The following RFX7 variants were observed in gnomAD, a reference collection of about 807,000 sequenced individuals.
RFX7 encodes regulatory factor X7.
A neutral mutation model predicts 111.8 loss-of-function variants in RFX7; 26 were observed. The ratio of observed to expected loss-of-function variants is 0.23; its 90% CI spans 0.17 to 0.32. The LOEUF (loss-of-function observed/expected upper bound fraction) is 0.32, where lower values mean the gene tolerates loss of function less well. Among genes scored for constraint, RFX7 ranks in the 10% least tolerant of loss-of-function variants. The pLI is 1.00. For synonymous variants in RFX7, 624 were observed against 624.4 expected (o/e 1.00, Z 0.01); for missense variants, 1,573 against 1,772.9 (o/e 0.89, Z 2.02).
At chr15:56,198,592 G>C (rs1431252892) in intron 2 of RFX7, among the ~76,000 whole-genome samples, 1 of 152,006 alleles carries the variant, frequency 6.6e-6, no homozygotes, top group African/African-American at 2.4e-5. Context: ...ATAGGACAAA[G>C]GATCCAATTT....
chr15:56,107,986 C>A (rs1480444861), intron 5 of RFX7, among the ~76,000 whole-genome samples: 1 of 152,126 alleles, frequency 6.6e-6, no homozygotes, highest in East Asian at 1.9e-4. Context: ...GACACATACA[C>A]CCTCCCAAGA....
rs370133072 is a variant in RFX7, at chr15:56,094,439, G to T, written c.3289C>A (p.Pro1097Thr). Reference protein sequence around the residue: ...QELVEDRFRKPHAFAVPGQSY... With the variant: ...QELVEDRFRKTHAFAVPGQSY... Reference sequence around the variant, plus strand: ...TGTCCAGGCACAGCAAAAGCATGAGGTTTCCTGAAACGGTCTTCCACTAGT... The same window carrying T: ...TGTCCAGGCACAGCAAAAGCATGAGTTTTCCTGAAACGGTCTTCCACTAGT... The change falls in exon 10 of 10, where the codon CCT becomes ACT. Residue 1097 changes from proline to threonine, a missense_variant. By Grantham distance (38) the Pro-to-Thr change is conservative. Transcript: ENST00000559447. 1.7e-5 allele frequency: 28 copies of T among 1,613,814 alleles called. No homozygotes were observed. Among genetic ancestry groups the T allele is most frequent in the East Asian group, 4.5e-5 (2 of 44,902 alleles).
At chr15:56,139,985 A>G (rs2042364976) in intron 5 of RFX7, among the ~76,000 whole-genome samples, 1 of 152,146 alleles carries the variant, frequency 6.6e-6, no homozygotes, top group Non-Finnish European at 1.5e-5. Context: ...TCAGATCTCC[A>G]GCTGCGTGCT....
rs2043419410 is a variant in RFX7 at position 56,220,831 on chromosome 15, T to C, written c.161+22294A>G. 1.3e-5 allele frequency among the ~76,000 whole-genome samples: 2 copies of C among 152,208 alleles called. 1 individual carries two copies. Among genetic ancestry groups the C allele is most frequent in the South Asian group, 4.1e-4 (2 of 4,832 alleles). On this transcript the variant is annotated intron_variant, in intron 2 of 9. Transcript: ENST00000559447. ...TTTAGGTTTTACATGGAAGTTTTTA[T>C]TCCATCTTGAGTTGATTTTTGTATA...
chr15:56,140,493 C>T (rs1334926101), intron 5 of RFX7, among the ~76,000 whole-genome samples: 1 of 152,234 alleles, frequency 6.6e-6, no homozygotes. Context: ...GGTGCACGCA[C>T]CCACTGACCT....
chr15:56,102,668 C>T (rs1434280375), intron 6 of RFX7, among the ~76,000 whole-genome samples: 5 of 152,294 alleles, frequency 3.3e-5, no homozygotes, highest in South Asian at 4.1e-4. Context: ...TTAACCTTTT[C>T]GTTTCTCTTT....
At chr15:56,134,304 T>C (rs577681596) in intron 5 of RFX7, among the ~76,000 whole-genome samples, 15 of 152,288 alleles carry the variant, frequency 9.8e-5, no homozygotes, top group African/African-American at 3.1e-4. Context: ...TTATTATCAT[T>C]GTCAGAGATC....
chr15:56,221,970 C>T (rs1049910358), intron 2 of RFX7, among the ~76,000 whole-genome samples: 2 of 152,178 alleles, frequency 1.3e-5, no homozygotes, highest in Non-Finnish European at 2.9e-5. Context: ...GTTCTCTTCA[C>T]CCCTTCATTT....
At chr15:56,120,703 T>C (rs1229236147) in intron 5 of RFX7, among the ~76,000 whole-genome samples, 1 of 152,160 alleles carries the variant, frequency 6.6e-6, no homozygotes, top group Non-Finnish European at 1.5e-5. Context: ...CATGAAGAGA[T>C]GTTGAATTTT....
intron 2 of RFX7, among the ~76,000 whole-genome samples, chr15:56,197,855 T>A (rs2043159772): frequency 6.6e-6 from 1 of 152,130 alleles, no homozygotes; most frequent in Admixed American, 6.5e-5. Flanking sequence ...TAGAGGTAAA[T>A]ATACCACTTA....
At chr15:56,172,507 C>CT (rs1207164389) in intron 3 of RFX7, among the ~76,000 whole-genome samples, 1 of 151,778 alleles carries the variant, frequency 6.6e-6, no homozygotes, top group Non-Finnish European at 1.5e-5. Flanking sequence ...TGGATGAGAC[C>CT]TAGAGGGTAG....
At chr15:56,161,107 C>A (rs530332315) in intron 3 of RFX7, among the ~76,000 whole-genome samples, 2 of 151,980 alleles carry the variant, frequency 1.3e-5, no homozygotes, top group Non-Finnish European at 2.9e-5. Flanking sequence ...TGATCTGAGT[C>A]AATTTGAAAG....
chr15:56,108,003 C>G (rs1267161071), intron 5 of RFX7, among the ~76,000 whole-genome samples: 1 of 152,026 alleles, frequency 6.6e-6, no homozygotes. Context: ...AAGACTAAAC[C>G]AGGAAGAAGT....
intron 2 of RFX7, among the ~76,000 whole-genome samples, chr15:56,215,211 C>G (rs2043351612): frequency 6.6e-6 from 1 of 152,116 alleles, no homozygotes; most frequent in Admixed American, 6.5e-5. Flanking sequence ...AATGTAAGTG[C>G]TATGTAAATA....
Position 56,092,066 on chromosome 15 carries a change from CATAA to C in RFX7, c.*1275_*1278del, listed in dbSNP as rs1170929040. 3.9e-5 allele frequency: 6 copies of C among 152,430 alleles called. No individual in the cohort carries two copies. Among genetic ancestry groups the C allele is most frequent in the Non-Finnish European group, 8.8e-5 (6 of 67,978 alleles). 9.4% of individuals were successfully genotyped at this position (152,430 alleles called of 1,614,324 possible). A position where few individuals can be genotyped will look rare whatever the true frequency, so the allele number is the denominator to read the frequency against. Reference sequence around the variant, plus strand: ...AGTAGGTTTGTGTCAACATGCAACTCATAAATAATTATTCACAAAACAAAATGGG... The same window carrying C: ...AGTAGGTTTGTGTCAACATGCAACTCATAATTATTCACAAAACAAAATGGG... On this transcript the variant is annotated 3_prime_UTR_variant, in exon 10 of 10. Coordinates refer to ENST00000559447, the MANE Select transcript of RFX7 (RefSeq NM_022841.7).
In RFX7 at chr15:56,095,424, G is replaced by A. The variant is rs772468628; in HGVS notation, c.2304C>T (p.Asp768=). 1.2e-6 allele frequency: 2 copies of A among 1,613,004 alleles called. No individual in the cohort carries two copies. The highest frequency in any genetic ancestry group is 1.1e-5 in the South Asian group (1 of 91,086). Residue 768 remains aspartate, a synonymous_variant, in exon 10 of 10, where the codon GAC becomes GAT. Coordinates refer to ENST00000559447, the MANE Select transcript of RFX7 (RefSeq NM_022841.7). ...VKLEGSVFLL[D]SDSKSVGSFN... is the part of the protein sequence containing the mutation. ...AGCTGCCAACTGACTTTGAATCACT[G>A]TCCAAGAGAAAGACACTTCCTTCAA...
chr15:56,103,456 T>C, intron 6 of RFX7, 98 bp downstream of exon 6: 1 of 703,488 alleles, frequency 1.4e-6, no homozygotes, highest in Non-Finnish European at 2.3e-6. Context: ...ATTTGAAGTT[T>C]ATTTCTAAAT....
chr15:56,128,993 T>C (rs892707503), intron 5 of RFX7, among the ~76,000 whole-genome samples: 2 of 152,174 alleles, frequency 1.3e-5, no homozygotes, highest in African/African-American at 4.8e-5. Context: ...AAGATTAAGA[T>C]GTATACATCC....
intron 5 of RFX7, among the ~76,000 whole-genome samples, chr15:56,112,116 G>GAA (rs754438474): frequency 5.2e-5 from 5 of 95,710 alleles, no homozygotes; most frequent in Non-Finnish European, 8.7e-5. Context: ...CTTTGCCCCA[G>GAA]AAAAAAAAAA....
Sources: allele counts gnomAD v4.1 joint callset (sites outside exome capture counted in the v4.1 genomes callset), GRCh38; gene constraint gnomAD v4.1.1; transcripts MANE v1.5; gene names NCBI Gene and HGNC (gene_info 2026-07-23, HGNC 2026-07-21).